The following EPDR1 variants were observed in gnomAD, a reference collection of about 807,000 sequenced individuals.
EPDR1 encodes the protein mammalian ependymin-related protein 1.
In EPDR1, 27 loss-of-function variants were observed where a neutral mutation model predicts 23.7. The ratio of observed to expected loss-of-function variants is 1.14; its 90% CI spans 0.84 to 1.57. The LOEUF is 1.57. Among genes scored for constraint, EPDR1 ranks in the 40% most tolerant of loss-of-function variants. The pLI is 0.00. For synonymous variants in EPDR1, 137 were observed against 118.2 expected, an observed-to-expected ratio of 1.16 and a Z score of -1.03; for missense variants, 349 against 290.4, an observed-to-expected ratio of 1.20 and a Z score of -1.47.
intron 1 of EPDR1, among the ~76,000 whole-genome samples, chr7:37,937,104 T>C (rs1019925222): frequency 3.9e-5 from 6 of 152,182 alleles, no homozygotes; most frequent in African/African-American, 1.4e-4. Flanking sequence ...TAGATCCACA[T>C]ACATCTGGAA....
chr7:37,933,516 T>A (rs1326496243), intron 1 of EPDR1, among the ~76,000 whole-genome samples: 2 of 152,178 alleles, frequency 1.3e-5, no homozygotes, highest in Non-Finnish European at 2.9e-5. Flanking sequence ...GTTAAAAAAA[T>A]AAAAATGCTA....
chr7:37,922,150 T>C (rs1472453261), intron 1 of EPDR1, among the ~76,000 whole-genome samples: 1 of 152,190 alleles, frequency 6.6e-6, no homozygotes, highest in African/African-American at 2.4e-5. Flanking sequence ...TTTGCATCAT[T>C]AGGAGTTGCA....
Position 37,937,984 on chromosome 7 carries a change from A to ATTTT in EPDR1, c.270-10856_270-10855insTTTT, listed in dbSNP as rs1347900474. 5.3e-3 allele frequency among the ~76,000 whole-genome samples: 331 copies of ATTTT among 62,126 alleles called. 1 individual carries two copies. Among genetic ancestry groups the ATTTT allele is most frequent in the African/African-American group, 0.012 (209 of 16,768 alleles). 40.8% of individuals were successfully genotyped at this position (62,126 alleles called of 152,430 possible). On this transcript the variant is annotated intron_variant, in intron 1 of 2. Transcript: ENST00000199448. ...ACTGAAGAAAAATGGGTGCCCTTTA[A>ATTTT]ATTTTTTTTTTTTTTTTTTTTTTTG...
intron 1 of EPDR1, among the ~76,000 whole-genome samples, chr7:37,939,889 T>C (rs1047102239): frequency 3.3e-5 from 5 of 152,220 alleles, no homozygotes; most frequent in African/African-American, 1.2e-4. Context: ...AGAAATCTGG[T>C]AATATTTAAC....
intron 1 of EPDR1, among the ~76,000 whole-genome samples, chr7:37,947,064 T>C (rs1473401533): frequency 6.6e-6 from 1 of 152,214 alleles, no homozygotes; most frequent in African/African-American, 2.4e-5. Flanking sequence ...TGTATAGAAA[T>C]GTCCTAGGCC....
At chr7:37,945,921 C>T (rs559856544) in intron 1 of EPDR1, among the ~76,000 whole-genome samples, 90 of 152,196 alleles carry the variant, frequency 5.9e-4, no homozygotes, top group African/African-American at 1.5e-3. Flanking sequence ...GCTTCCCCGA[C>T]GCGTCCATTT....
rs1785671329 is a variant in EPDR1 at position 37,920,683 on chromosome 7, C to T, written c.-257C>T. 1 of 1,594,320 alleles carries T rather than the reference C, an allele frequency of 6.3e-7. No homozygotes were observed. The highest frequency in any genetic ancestry group is 1.3e-5 in the African/African-American group (1 of 74,528). Reference sequence around the variant, plus strand: ...AGAAGGCAGTGGCAGCAGGCAGTGGCAGCAGGCAGTGGCCCAGGCAGAAAT... The same window carrying T: ...AGAAGGCAGTGGCAGCAGGCAGTGGTAGCAGGCAGTGGCCCAGGCAGAAAT... On this transcript the variant is annotated 5_prime_UTR_variant, in exon 1 of 3. Coordinates refer to ENST00000199448, the MANE Select transcript of EPDR1 (RefSeq NM_017549.5).
chr7:37,921,434 C>G (rs967018842), intron 1 of EPDR1: 2 of 1,383,930 alleles, frequency 1.4e-6, no homozygotes, highest in Admixed American at 7.1e-5. Flanking sequence ...TCAGTAACAC[C>G]CAGCGAGGCG....
At chr7:37,942,913 T>C (rs1452990144) in intron 1 of EPDR1, among the ~76,000 whole-genome samples, 1 of 152,212 alleles carries the variant, frequency 6.6e-6, no homozygotes, top group African/African-American at 2.4e-5. Flanking sequence ...CAATGTAACC[T>C]GAGAATTTTA....
intron 1 of EPDR1, among the ~76,000 whole-genome samples, chr7:37,937,184 G>C (rs921717219): frequency 1.3e-5 from 2 of 152,162 alleles, no homozygotes; most frequent in Non-Finnish European, 2.9e-5. Flanking sequence ...CAGTGTTGTT[G>C]GAACAACTGA....
intron 2 of EPDR1, 70 bp downstream of exon 2, chr7:37,949,118 G>A: frequency 6.8e-7 from 1 of 1,475,440 alleles, no homozygotes; most frequent in South Asian, 1.2e-5. Flanking sequence ...AGTCCTTTAA[G>A]GAAGGTAGTT....
In EPDR1 at chr7:37,948,545, A is replaced by G. The variant is rs570008216; in HGVS notation, c.270-295A>G. On this transcript the variant is annotated intron_variant, in intron 1 of 2. Coordinates refer to ENST00000199448, the MANE Select transcript of EPDR1 (RefSeq NM_017549.5). The stretch of plus-strand genomic sequence containing the variant: ...TTTTTTTTCTAGAGACAGGGGTCTC[A>G]CTATGTTGCCCAGGCCGGTCTCAAA... Among the ~76,000 whole-genome samples, 69 of 152,044 alleles carry G rather than the reference A, an allele frequency of 4.5e-4. 1 individual carries two copies. Among genetic ancestry groups the G allele is most frequent in the South Asian group, 3.7e-3 (18 of 4,808 alleles).
chr7:37,933,064 A>G (rs866005932), intron 1 of EPDR1, among the ~76,000 whole-genome samples: 1 of 152,230 alleles, frequency 6.6e-6, no homozygotes, highest in Admixed American at 6.5e-5. Flanking sequence ...GATTGGCAAC[A>G]ATGCGCACAA....
Position 37,948,987 on chromosome 7 carries a change from C to T in EPDR1, c.417C>T (p.Ile139=), listed in dbSNP as rs2044831. Residue 139 remains isoleucine (I), a synonymous_variant, in exon 2 of 3, where the codon ATC becomes ATT. Coordinates refer to ENST00000199448, the MANE Select transcript of EPDR1 (RefSeq NM_017549.5). ...CCACCTTTGAAGACCAGTACTCCAT[C>T]GGGGGGCCTCAGGAGCAGATCACCG... ...QNSTFEDQYS[I]GGPQEQITVQ... is the part of the protein sequence containing the mutation. 0.76 allele frequency: 1,219,516 copies of T among 1,613,804 alleles called. 463,667 individuals carry two copies. The highest frequency in any genetic ancestry group is 0.77 in the South Asian group (70,450 of 91,066).
intron 1 of EPDR1, among the ~76,000 whole-genome samples, chr7:37,943,437 G>C (rs1374454538): frequency 1.3e-5 from 2 of 152,140 alleles, no homozygotes; most frequent in African/African-American, 2.4e-5. Context: ...TTTGGTCCCT[G>C]TCAGGCCACA....
chr7:37,932,312 A>C (rs945620272), intron 1 of EPDR1, among the ~76,000 whole-genome samples: 3 of 151,866 alleles, frequency 2.0e-5, no homozygotes, highest in Non-Finnish European at 4.4e-5. Flanking sequence ...TTATTTACTC[A>C]TTTATTTAGA....
At chr7:37,932,168 C>T (rs1785956028) in intron 1 of EPDR1, among the ~76,000 whole-genome samples, 1 of 151,786 alleles carries the variant, frequency 6.6e-6, no homozygotes, top group Admixed American at 6.6e-5. Context: ...ATGTTTTTTT[C>T]CCCTCTGAAT....
chr7:37,950,327 G>C lies in EPDR1; in HGVS notation c.606G>C (p.Ser202=). The change falls in exon 3 of 3, where the codon TCG becomes TCC. Residue 202 remains serine, a synonymous_variant. Coordinates refer to ENST00000199448, the MANE Select transcript of EPDR1 (RefSeq NM_017549.5). ...FDIQLGIKDP[S]VFTPPSTCQM... Reference sequence around the variant, plus strand: ...TCCAGCTGGGTATTAAAGACCCCTCGGTGTTTACCCCTCCAAGCACGTGCC... The same window carrying C: ...TCCAGCTGGGTATTAAAGACCCCTCCGTGTTTACCCCTCCAAGCACGTGCC... 1 of 1,613,808 alleles carries C rather than the reference G, an allele frequency of 6.2e-7. No individual in the cohort carries two copies. The highest frequency in any genetic ancestry group is 1.1e-5 in the South Asian group (1 of 91,006).
At chr7:37,931,813 C>T (rs1486420200) in intron 1 of EPDR1, among the ~76,000 whole-genome samples, 1 of 152,132 alleles carries the variant, frequency 6.6e-6, no homozygotes, top group African/African-American at 2.4e-5. Flanking sequence ...ATTCTCCTGC[C>T]TTAGCCTCCC....
Sources: gnomAD v4.1 joint callset for allele counts (sites outside exome capture counted in the v4.1 genomes callset) on GRCh38, gnomAD v4.1.1 for gene constraint, MANE v1.5 for transcripts, NCBI Gene and HGNC (gene_info 2026-07-23, HGNC 2026-07-21) for gene names.